POC1B: variants seen among roughly 807,000 people sequenced by gnomAD.
POC1B encodes POC1 centriolar protein homolog B.
In POC1B, 44 loss-of-function variants were observed where a neutral mutation model predicts 60.6. The ratio of observed to expected loss-of-function variants is 0.73; its 90% CI spans 0.57 to 0.93. The LOEUF is 0.93. Ranked by LOEUF, POC1B falls within the 40% of genes least tolerant of loss-of-function variation. POC1B has a pLI of 0.00. For missense variants in POC1B, 555 were observed against 572.3 expected (o/e 0.97, Z 0.31); for synonymous variants, 180 against 198.9 (o/e 0.90, Z 0.80).
At chr12:89,457,687 T>C (rs143419614) in intron 10 of POC1B, among the ~76,000 whole-genome samples, 1 of 152,362 alleles carries the variant, frequency 6.6e-6, no homozygotes, top group East Asian at 1.9e-4. Context: ...GGTGAAACCA[T>C]GTGAAGTCAT....
At chr12:89,501,925 G>A (rs1217841531) in intron 2 of POC1B, 2 of 1,114,022 alleles carry the variant, frequency 1.8e-6, no homozygotes, top group East Asian at 4.7e-5. Flanking sequence ...TGGTCATGAT[G>A]AAATTTCCAG....
At chr12:89,407,148 C>CAAAAAAAA in the POC1B span, among the ~76,000 whole-genome samples, 1 of 63,386 alleles carries the variant, frequency 1.6e-5, no homozygotes, top group African/African-American at 6.4e-5. Context: ...GACTCCGTCT[C>CAAAAAAAA]AAAAAAAAAA....
chr12:89,448,167 T>C (rs944766430), intron 10 of POC1B, among the ~76,000 whole-genome samples: 26 of 152,206 alleles, frequency 1.7e-4, no homozygotes, highest in African/African-American at 6.3e-4. Context: ...AGGATGGGCA[T>C]GGTGGTTCAT....
intron 4 of POC1B, among the ~76,000 whole-genome samples, chr12:89,483,780 T>C (rs2135730430): frequency 6.6e-6 from 1 of 152,218 alleles, no homozygotes; most frequent in South Asian, 2.1e-4. Context: ...AAGTCATCCA[T>C]CACCAGGAGA....
chr12:89,454,658 C>G (rs773866660), intron 10 of POC1B, among the ~76,000 whole-genome samples: 9 of 152,176 alleles, frequency 5.9e-5, no homozygotes, highest in Non-Finnish European at 1.3e-4. Flanking sequence ...TGTCACGTGA[C>G]TCTTGTCCTG....
intron 10 of POC1B, among the ~76,000 whole-genome samples, chr12:89,458,313 C>T (rs138187422): frequency 0.018 from 2,809 of 152,320 alleles, 39 homozygotes; most frequent in Non-Finnish European, 0.027. Context: ...TGAACACCTA[C>T]TATAAGCCAA....
intron 10 of POC1B, among the ~76,000 whole-genome samples, chr12:89,437,005 G>C (rs532248419): frequency 6.6e-6 from 1 of 152,190 alleles, no homozygotes. Flanking sequence ...AAATTTGAGA[G>C]ATATTCTTGA....
At chr12:89,412,968 G>A in the POC1B span, among the ~76,000 whole-genome samples, 11 of 150,668 alleles carry the variant, frequency 7.3e-5, 1 homozygote, top group Admixed American at 4.0e-4. Flanking sequence ...GCATGATATC[G>A]GCTCACTGCA....
chr12:89,417,251 T>C (rs1880379289), downstream of POC1B, among the ~76,000 whole-genome samples: 1 of 152,222 alleles, frequency 6.6e-6, no homozygotes, highest in Non-Finnish European at 1.5e-5. Flanking sequence ...AGAGATCCTA[T>C]GTAAGCAAAC....
intron 10 of POC1B, among the ~76,000 whole-genome samples, chr12:89,435,471 G>T (rs372713673): frequency 3.0e-4 from 46 of 152,230 alleles, no homozygotes; most frequent in African/African-American, 1.0e-3. Flanking sequence ...GTGAACCACC[G>T]TGCCCAGCCA....
chr12:89,448,778 C>T (rs2120757396), intron 10 of POC1B, among the ~76,000 whole-genome samples: 1 of 152,350 alleles, frequency 6.6e-6, no homozygotes, highest in South Asian at 2.1e-4. Context: ...ACAATTCTTC[C>T]TGATGAGCAT....
intron 10 of POC1B, among the ~76,000 whole-genome samples, chr12:89,433,133 G>A (rs1461021573): frequency 1.3e-5 from 2 of 152,150 alleles, no homozygotes; most frequent in African/African-American, 4.8e-5. Context: ...AGAATGCAAA[G>A]TGAAGAAATA....
At chr12:89,452,767 C>G (rs1271189151) in intron 10 of POC1B, among the ~76,000 whole-genome samples, 5 of 151,900 alleles carry the variant, frequency 3.3e-5, no homozygotes, top group Non-Finnish European at 7.4e-5. Context: ...GTAAACTTTA[C>G]AGCTATACAG....
chr12:89,516,203 T>C (rs1461149368), intron 2 of POC1B, among the ~76,000 whole-genome samples: 1 of 152,208 alleles, frequency 6.6e-6, no homozygotes, highest in African/African-American at 2.4e-5. Context: ...GATACCCTAC[T>C]ATAACGGCTT....
intron 11 of POC1B, among the ~76,000 whole-genome samples, chr12:89,422,180 A>G (rs1592573367): frequency 6.6e-6 from 1 of 152,164 alleles, no homozygotes; most frequent in East Asian, 1.9e-4. Flanking sequence ...AGACTCTGCC[A>G]GCCACCCCAG....
chr12:89,522,698 C>T, intron 2 of POC1B: 1 of 1,375,064 alleles, frequency 7.3e-7, no homozygotes, highest in Admixed American at 2.7e-5. Context: ...CAGTGCTCCA[C>T]AGATGACTGC....
chr12:89,446,144 A>T (rs1464653126), intron 10 of POC1B, among the ~76,000 whole-genome samples: 1 of 152,212 alleles, frequency 6.6e-6, no homozygotes, highest in Admixed American at 6.5e-5. Context: ...GAACACTTTT[A>T]CACTGTTGGT....
chr12:89,467,640 C>A lies in POC1B; in HGVS notation c.856G>T (p.Ala286Ser), dbSNP rs1351153131. The A allele has an allele frequency of 1.2e-6, 2 of 1,611,974 alleles. No homozygotes were observed. Among genetic ancestry groups the A allele is most frequent in the East Asian group, 4.5e-5 (2 of 44,790 alleles). ...ACCTGTGTGTCTGCACCTCCTGATG[C>A]AAATAGCTCTCCACCTTTTGAAAAT... The part of the protein sequence containing the change: ...VSFSKGGELF[A>S]SGGADTQVLL... The change falls in exon 8 of 12, where the codon GCA (alanine) becomes TCA (serine). Residue 286 changes from alanine to serine, a missense_variant. Transcript: ENST00000313546.
At chr12:89,476,646 C>A (rs1282784795) in intron 4 of POC1B, among the ~76,000 whole-genome samples, 1 of 151,860 alleles carries the variant, frequency 6.6e-6, no homozygotes, top group Non-Finnish European at 1.5e-5. Context: ...CTGCAGTGAG[C>A]CAAGATCGCA....
Sources: allele counts gnomAD v4.1 joint callset (sites outside exome capture counted in the v4.1 genomes callset), GRCh38; gene constraint gnomAD v4.1.1; transcripts MANE v1.5; gene names NCBI Gene and HGNC (gene_info 2026-07-23, HGNC 2026-07-21).